Variants in ELOC observed in about 807,000 individuals in gnomAD.
ELOC encodes the protein elongin C.
For synonymous variants in ELOC, 40 were observed against 51.3 expected (o/e 0.78, Z 0.94); for missense variants, 38 against 139.0 (o/e 0.27, Z 3.65).
chr8:73,969,524 T>C (rs1815216944), intron 1 of ELOC: 1 of 152,226 alleles, frequency 6.6e-6, no homozygotes, highest in Admixed American at 6.5e-5. Flanking sequence ...ACTGGCCTTT[T>C]TGGTATTCCT....
At chr8:73,948,071 A>T (rs114058520) in intron 3 of ELOC, among the ~76,000 whole-genome samples, 5,445 of 152,094 alleles carry the variant, frequency 0.036, 121 homozygotes, top group South Asian at 0.046. Context: ...GAGTGCCAGT[A>T]ATCCCAGGTA....
intron 2 of ELOC, among the ~76,000 whole-genome samples, chr8:73,957,034 G>A (rs1217247639): frequency 3.9e-5 from 6 of 152,140 alleles, no homozygotes; most frequent in African/African-American, 1.2e-4. Flanking sequence ...TTAGCTGGGC[G>A]TGGTGGCGGG....
At chr8:73,958,764 T>A (rs1310731355) in intron 2 of ELOC, among the ~76,000 whole-genome samples, 1 of 152,242 alleles carries the variant, frequency 6.6e-6, no homozygotes, top group East Asian at 1.9e-4. Flanking sequence ...AAATTGGGGT[T>A]AGCACGATAT....
chr8:73,947,851 A>G (rs544241673), intron 3 of ELOC, among the ~76,000 whole-genome samples: 1 of 152,280 alleles, frequency 6.6e-6, no homozygotes, highest in South Asian at 2.1e-4. Flanking sequence ...CTAAGATTAC[A>G]GGCTTGGCCA....
At chr8:73,965,022 T>A in intron 1 of ELOC, among the ~76,000 whole-genome samples, 1 of 80,810 alleles carries the variant, frequency 1.2e-5, no homozygotes, top group African/African-American at 5.0e-5. Flanking sequence ...TAAGACACTG[T>A]CTCAAAAACA....
At chr8:73,970,865 A>AAAC (rs1259646417) in intron 1 of ELOC, among the ~76,000 whole-genome samples, 1 of 113,810 alleles carries the variant, frequency 8.8e-6, no homozygotes, top group African/African-American at 3.8e-5. Context: ...AAAACAAAAC[A>AAAC]AAACAAAAAA....
rs569463089 is a variant in ELOC at position 73,947,749 on chromosome 8, A to AT, written c.149-930dup. On this transcript the variant is annotated intron_variant, in intron 3 of 3. Coordinates refer to ENST00000520242, the MANE Select transcript of ELOC (RefSeq NM_005648.4). ...GCCACCATGTCTGGATAATTCTTGT[A>AT]TTTTTTGTAGAGACAGAGTTTTGCC... Among the ~76,000 whole-genome samples, 35 of 151,640 alleles carry AT rather than the reference A, an allele frequency of 2.3e-4. 1 individual carries two copies. In the South Asian group the frequency reaches 7.3e-3, roughly 32 times the overall value.
Position 73,959,810 on chromosome 8 carries a change from A to G in ELOC, c.-42T>C. On this transcript the variant is annotated 5_prime_UTR_variant, in exon 2 of 4. Coordinates refer to ENST00000520242, the MANE Select transcript of ELOC (RefSeq NM_005648.4). ...TCTACTTTGCTTCCCCAGGAACTTT[A>G]GTAGTTTCCTGAAAATATAACAATA... 6.6e-7 allele frequency: 1 copy of G among 1,517,034 alleles called. No individual in the cohort carries two copies. The highest frequency in any genetic ancestry group is 8.9e-7 in the Non-Finnish European group (1 of 1,127,052). 94.0% of individuals were successfully genotyped at this position (1,517,034 alleles called of 1,614,324 possible).
intron 1 of ELOC, among the ~76,000 whole-genome samples, chr8:73,965,730 GTTTA>G (rs1048628353): frequency 6.6e-6 from 1 of 152,170 alleles, no homozygotes; most frequent in African/African-American, 2.4e-5. Flanking sequence ...CATTTCTGAA[GTTTA>G]TTTTACCTTA....
chr8:73,968,123 A>C (rs2131191526), intron 1 of ELOC, among the ~76,000 whole-genome samples: 1 of 152,326 alleles, frequency 6.6e-6, no homozygotes, highest in South Asian at 2.1e-4. Flanking sequence ...ATAGACCCGA[A>C]TCCATCTCCA....
At chr8:73,950,516 G>A (rs1813685335) in intron 3 of ELOC, among the ~76,000 whole-genome samples, 1 of 152,080 alleles carries the variant, frequency 6.6e-6, no homozygotes, top group African/African-American at 2.4e-5. Context: ...GCTAATAAAT[G>A]CAAAAAATTT....
intron 1 of ELOC, among the ~76,000 whole-genome samples, chr8:73,969,958 A>C (rs1259980309): frequency 1.3e-5 from 2 of 152,268 alleles, no homozygotes; most frequent in Non-Finnish European, 2.9e-5. Context: ...TAAAGAATTT[A>C]GGACAGCAGT....
chr8:73,968,624 A>T (rs1230275901), intron 1 of ELOC, among the ~76,000 whole-genome samples: 1 of 152,218 alleles, frequency 6.6e-6, no homozygotes, highest in Non-Finnish European at 1.5e-5. Flanking sequence ...CTGTGTTTAT[A>T]TATTTTGTCC....
Position 73,945,170 on chromosome 8 carries a change from T to G in ELOC, c.*1460A>C, listed in dbSNP as rs1019430444. 1.4e-5 allele frequency: 2 copies of G among 138,954 alleles called. No homozygotes were observed. Among genetic ancestry groups the G allele is most frequent in the African/African-American group, 5.4e-5 (2 of 36,868 alleles). The allele number at this position is 138,954 out of a possible 1,614,324, so 8.6% of individuals were successfully genotyped here. A position where few individuals can be genotyped will look rare whatever the true frequency, so the allele number is the denominator to read the frequency against. The stretch of plus-strand genomic sequence containing the variant: ...TCTCGCTCTGTCACCCAGGCTGGAG[T>G]GCAGTGGTGCGATCTCGGCTCACTG... On this transcript the variant is annotated 3_prime_UTR_variant, in exon 4 of 4. Coordinates refer to ENST00000520242, the MANE Select transcript of ELOC (RefSeq NM_005648.4).
intron 3 of ELOC, among the ~76,000 whole-genome samples, chr8:73,948,665 G>GCAT (rs1232238396): frequency 6.6e-6 from 1 of 152,210 alleles, no homozygotes; most frequent in African/African-American, 2.4e-5. Flanking sequence ...AATGGGCTGA[G>GCAT]CATGGTGGCT....
intron 1 of ELOC, among the ~76,000 whole-genome samples, chr8:73,968,717 G>A (rs1267359058): frequency 6.6e-6 from 1 of 152,044 alleles, no homozygotes; most frequent in Non-Finnish European, 1.5e-5. Flanking sequence ...TTGATATTCC[G>A]TCACCTAACT....
chr8:73,947,011 CAG>C (rs1392973970), intron 3 of ELOC, among the ~76,000 whole-genome samples, 191 bp from the exon 4 acceptor site: 3 of 152,086 alleles, frequency 2.0e-5, no homozygotes, highest in Non-Finnish European at 4.4e-5. Context: ...TTGTTTGAGA[CAG>C]AGTCGCGCTC....
At chr8:73,961,743 C>A (rs1814615056) in intron 1 of ELOC, among the ~76,000 whole-genome samples, 2 of 152,052 alleles carry the variant, frequency 1.3e-5, no homozygotes, top group South Asian at 4.1e-4. Flanking sequence ...GAACTCCTGA[C>A]CTCAGGTGAT....
chr8:73,970,670 A>G (rs1815293467), intron 1 of ELOC: 1 of 152,158 alleles, frequency 6.6e-6, no homozygotes. Context: ...AAATGAGATC[A>G]GACATATGTC....
Sources: gnomAD v4.1 joint callset for allele counts (sites outside exome capture counted in the v4.1 genomes callset) on GRCh38, gnomAD v4.1.1 for gene constraint, MANE v1.5 for transcripts, NCBI Gene and HGNC (gene_info 2026-07-23, HGNC 2026-07-21) for gene names.